The following TBC1D2B variants were observed in gnomAD, a reference collection of about 807,000 sequenced individuals.
The protein encoded by TBC1D2B is TBC1 domain family, member 2B.
TBC1D2B carries 64 observed loss-of-function variants against 100.8 expected under a neutral mutation model. The observed-to-expected ratio is 0.64, with a 90% CI of 0.52 to 0.78. TBC1D2B has a LOEUF of 0.78. TBC1D2B is among the 30% of genes least tolerant of loss of function. TBC1D2B has a pLI of 0.00. For missense variants in TBC1D2B, 1,052 were observed against 1,218.4 expected (o/e 0.86, Z 2.03); for synonymous variants, 480 against 479.7 (o/e 1.00, Z -0.01).
intron 3 of TBC1D2B, among the ~76,000 whole-genome samples, chr15:78,038,659 G>C (rs928763016): frequency 7.2e-5 from 11 of 152,230 alleles, no homozygotes; most frequent in African/African-American, 2.7e-4. Context: ...ACAGGATGCA[G>C]ACAGGTGCCC....
intron 3 of TBC1D2B, among the ~76,000 whole-genome samples, chr15:78,034,885 T>A (rs1028438216): frequency 6.6e-6 from 1 of 152,222 alleles, no homozygotes; most frequent in African/African-American, 2.4e-5. Flanking sequence ...TGCAGACTTC[T>A]CAGACACACT....
At chr15:78,034,857 A>T (rs957601681) in intron 3 of TBC1D2B, 5 of 415,544 alleles carry the variant, frequency 1.2e-5, no homozygotes, top group Non-Finnish European at 1.6e-5. Context: ...GGACTGTGCA[A>T]CAAGGGGGTC....
intron 1 of TBC1D2B, among the ~76,000 whole-genome samples, chr15:78,069,241 T>C (rs141199720): frequency 6.6e-6 from 1 of 152,126 alleles, no homozygotes; most frequent in African/African-American, 2.4e-5. Flanking sequence ...GCAAAGCAAG[T>C]GCAGCAGGAG....
At chr15:78,009,700 C>T (rs987234954) in intron 9 of TBC1D2B, among the ~76,000 whole-genome samples, 3 of 152,128 alleles carry the variant, frequency 2.0e-5, no homozygotes, top group South Asian at 2.1e-4. Context: ...TGCGGCTGGG[C>T]GCAATGGCTC....
rs770140612 is a variant in TBC1D2B at position 78,041,462 on chromosome 15, CA to C, written c.683+3437del. Among the ~76,000 whole-genome samples, 11 of 152,272 alleles carry C rather than the reference CA, an allele frequency of 7.2e-5. No individual in the cohort carries two copies. The East Asian group carries it at 1.9e-3, about 27-fold the overall frequency. On this transcript the variant is annotated intron_variant, in intron 3 of 12. Coordinates refer to ENST00000300584, the MANE Select transcript of TBC1D2B (RefSeq NM_144572.2). ...GAGGAACCTTAAAATGTCAGTTCAT[CA>C]GGGGAGCTAGTTAAGAGAGTTTCAA...
chr15:78,068,205 G>A (rs1023186148), intron 1 of TBC1D2B, among the ~76,000 whole-genome samples: 1 of 152,028 alleles, frequency 6.6e-6, no homozygotes, highest in Non-Finnish European at 1.5e-5. Flanking sequence ...TATATCAGAT[G>A]CTAAGCTATT....
In TBC1D2B at chr15:78,009,537, C is replaced by A. The variant is rs2584113; in HGVS notation, c.2271-423G>T. 6.0e-5 allele frequency among the ~76,000 whole-genome samples: 9 copies of A among 150,092 alleles called. No homozygotes were observed. The South Asian group carries it at 1.9e-3, about 31-fold the overall frequency. ...CCTGTGCAACAGAACAAGACCTTGT[C>A]TCATTAAAAAAAAAAAAGGAGGGGG... is the stretch of plus-strand genomic sequence containing the variant. On this transcript the variant is annotated intron_variant, in intron 9 of 12. Transcript: ENST00000300584.
chr15:78,058,921 T>A (rs2073483826), intron 1 of TBC1D2B, among the ~76,000 whole-genome samples: 1 of 152,222 alleles, frequency 6.6e-6, no homozygotes, highest in African/African-American at 2.4e-5. Flanking sequence ...GGCCAGCTCC[T>A]GAGTCTCCCC....
chr15:78,040,893 A>G (rs1225279250), intron 3 of TBC1D2B, among the ~76,000 whole-genome samples: 5 of 150,172 alleles, frequency 3.3e-5, no homozygotes, highest in East Asian at 2.1e-4. Flanking sequence ...AGAGAGAGAG[A>G]GAAAGAAAGA....
At chr15:78,075,547 T>G (rs1173620100) in intron 1 of TBC1D2B, among the ~76,000 whole-genome samples, 1 of 152,180 alleles carries the variant, frequency 6.6e-6, no homozygotes, top group East Asian at 1.9e-4. Context: ...TGAAACACGA[T>G]GCTCTATTTT....
At chr15:78,029,203 C>G (rs528709637) in intron 4 of TBC1D2B, among the ~76,000 whole-genome samples, 18 of 150,580 alleles carry the variant, frequency 1.2e-4, no homozygotes, top group Admixed American at 1.1e-3. Flanking sequence ...ACTACAGGCG[C>G]CCCCCACCAC....
At chr15:78,050,660 G>T (rs1343858565) in intron 2 of TBC1D2B, among the ~76,000 whole-genome samples, 1 of 152,200 alleles carries the variant, frequency 6.6e-6, no homozygotes, top group African/African-American at 2.4e-5. Context: ...AGACACAGAA[G>T]ACAATGTAGA....
intron 11 of TBC1D2B, 85 bp downstream of exon 11, chr15:78,003,220 G>C (rs117946329): frequency 1.6e-6 from 2 of 1,280,510 alleles, no homozygotes; most frequent in Admixed American, 1.8e-5. Context: ...TAAGTTCCAG[G>C]TGAGCCAGCC....
At chr15:78,001,557 T>C in intron 12 of TBC1D2B, 62 bp downstream of exon 12, 1 of 1,536,458 alleles carries the variant, frequency 6.5e-7, no homozygotes, top group Non-Finnish European at 8.8e-7. Context: ...CAGGCTGCTC[T>C]CAAGGAGGCA....
At chr15:77,999,843 A>C (rs1013785239) in intron 12 of TBC1D2B, among the ~76,000 whole-genome samples, 6 of 152,278 alleles carry the variant, frequency 3.9e-5, no homozygotes, top group Non-Finnish European at 7.4e-5. Flanking sequence ...TCCTCTGGGA[A>C]ATGAGAAGGT....
intron 8 of TBC1D2B, among the ~76,000 whole-genome samples, chr15:78,015,261 CTG>C (rs1349717067): frequency 6.6e-6 from 1 of 151,924 alleles, no homozygotes; most frequent in African/African-American, 2.4e-5. Flanking sequence ...CAGAAAAAAA[CTG>C]TGGGGAGTGA....
intron 1 of TBC1D2B, among the ~76,000 whole-genome samples, 196 bp from the exon 2 acceptor site, chr15:78,054,383 G>T (rs1381339254): frequency 6.6e-6 from 1 of 152,196 alleles, no homozygotes; most frequent in Non-Finnish European, 1.5e-5. Flanking sequence ...GTAACATGAA[G>T]AACTGAACCC....
chr15:78,025,426 T>C lies in TBC1D2B; in HGVS notation c.919A>G (p.Ile307Val), dbSNP rs373954401. 3.2e-5 allele frequency: 51 copies of C among 1,613,890 alleles called. No homozygotes were observed. The highest frequency in any genetic ancestry group is 4.1e-5 in the Non-Finnish European group (48 of 1,179,910). Residue 307 changes from isoleucine to valine, a missense_variant, in exon 5 of 13, where the codon ATA becomes GTA. Physicochemically the swap from Ile to Val is conservative, Grantham distance 29. This residue lies in a region of TBC1D2B where 627 missense variants were observed against 646.1 expected (regional missense o/e 0.97). Coordinates refer to ENST00000300584, the MANE Select transcript of TBC1D2B (RefSeq NM_144572.2). ...PYKGKRPLKDIIGSYKNRHSS... is the reference protein window; with the variant it reads ...PYKGKRPLKDVIGSYKNRHSS... ...TGACGATTTTTGTACGACCCAATTATGTCTTTCAAAGGGCGCTTTCCTTTG... is the reference window on the plus strand; with the variant it reads ...TGACGATTTTTGTACGACCCAATTACGTCTTTCAAAGGGCGCTTTCCTTTG...
At chr15:78,031,574 A>AAAAAAAAAAG (rs1452770906) in intron 3 of TBC1D2B, among the ~76,000 whole-genome samples, 20 of 147,578 alleles carry the variant, frequency 1.4e-4, no homozygotes, top group African/African-American at 2.8e-4. Context: ...AAAAAAAAAA[A>AAAAAAAAAAG]AGAGAGAGAG....
Sources: gnomAD v4.1 joint callset for allele counts (sites outside exome capture counted in the v4.1 genomes callset) on GRCh38, gnomAD v4.1.1 for gene constraint, gnomAD v4.1.1 regional missense constraint, MANE v1.5 for transcripts, NCBI Gene and HGNC (gene_info 2026-07-23, HGNC 2026-07-21) for gene names.